Variants in MBTPS1 observed in about 807,000 individuals in gnomAD.
MBTPS1 encodes the protein membrane bound transcription factor peptidase, site 1, also known as membrane-bound transcription factor site-1 protease.
A neutral mutation model predicts 127.8 loss-of-function variants in MBTPS1; 94 were observed. That is an observed-to-expected ratio of 0.74 (90% CI 0.62 to 0.87). MBTPS1 has a LOEUF of 0.87. Ranked by LOEUF, MBTPS1 falls within the 40% of genes least tolerant of loss-of-function variation. The pLI is 0.00. For missense variants in MBTPS1, 1,636 were observed against 1,353.2 expected, an observed-to-expected ratio of 1.21 and a Z score of -3.28; for synonymous variants, 632 against 509.4, an observed-to-expected ratio of 1.24 and a Z score of -3.24.
intron 1 of MBTPS1, chr16:84,110,900 T>G (rs2086388339): frequency 6.6e-6 from 1 of 152,230 alleles, no homozygotes; most frequent in Non-Finnish European, 1.5e-5. Flanking sequence ...ACTGCAAGAT[T>G]ATGAGCAGGA....
intron 19 of MBTPS1, among the ~76,000 whole-genome samples, chr16:84,062,963 G>A (rs959572367): frequency 7.2e-5 from 11 of 152,204 alleles, no homozygotes; most frequent in African/African-American, 2.4e-4. Context: ...CAGGCAGCAC[G>A]GCGTAGGAAG....
intron 19 of MBTPS1, among the ~76,000 whole-genome samples, chr16:84,062,874 C>G (rs1292498336): frequency 3.3e-5 from 5 of 152,192 alleles, no homozygotes; most frequent in African/African-American, 1.2e-4. Context: ...TCTGGAAGGA[C>G]AGCCAAGAGC....
At chr16:84,063,036 C>T (rs921987411) in intron 19 of MBTPS1, among the ~76,000 whole-genome samples, 5 of 152,230 alleles carry the variant, frequency 3.3e-5, no homozygotes, top group Admixed American at 2.0e-4. Flanking sequence ...GCGGGAGTCC[C>T]GCCTCCGCTG....
chr16:84,114,381 T>A (rs1042814258), intron 1 of MBTPS1, among the ~76,000 whole-genome samples: 1 of 152,174 alleles, frequency 6.6e-6, no homozygotes, highest in Admixed American at 6.5e-5. Context: ...ATCACTACAG[T>A]CAAGAGTGAG....
intron 5 of MBTPS1, 66 bp downstream of exon 5, chr16:84,093,645 G>C (rs2086140928): frequency 1.8e-6 from 2 of 1,087,686 alleles, no homozygotes; most frequent in South Asian, 2.6e-5. Context: ...ACAGACTGTG[G>C]AATCATGCAC....
chr16:84,077,234 GA>G (rs1191331764), intron 11 of MBTPS1, among the ~76,000 whole-genome samples: 1,400 of 100,316 alleles, frequency 0.014, 20 homozygotes, highest in African/African-American at 0.046. Flanking sequence ...CATTAAAAAA[GA>G]AAAAAAAAAA....
Position 84,060,708 on chromosome 16 carries a change from C to T in MBTPS1, c.2678G>A (p.Gly893Asp). Residue 893 changes from glycine to aspartate, a missense_variant, in exon 20 of 23, where the codon GGC (glycine) becomes GAC (aspartate). By Grantham distance (94) the Gly-to-Asp change is moderately conservative (BLOSUM62 -1). Transcript: ENST00000343411. The stretch of plus-strand genomic sequence containing the variant: ...TTCCATCCTCTCTGGAGTGACTGAG[C>T]CTGCTCCACTGGGAGGGCGCTGGCG... ...GNRQRPPSGA[G>D]SVTPERMEGN... 2.5e-6 allele frequency: 4 copies of T among 1,613,990 alleles called. No homozygotes were observed. Among genetic ancestry groups the T allele is most frequent in the South Asian group, 1.1e-5 (1 of 91,002 alleles).
At chr16:84,068,235 C>G in intron 15 of MBTPS1, 104 bp downstream of exon 15, 1 of 829,490 alleles carries the variant, frequency 1.2e-6, no homozygotes, top group Non-Finnish European at 2.0e-6. Flanking sequence ...GGCGCATACT[C>G]CCTTGGTAGC....
chr16:84,085,248 CT>C, intron 9 of MBTPS1, 114 bp from the exon 10 acceptor site: 1 of 1,047,288 alleles, frequency 9.5e-7, no homozygotes, highest in South Asian at 1.5e-5. Flanking sequence ...ACTGTATAAC[CT>C]TAGGAAGGTA....
intron 1 of MBTPS1, among the ~76,000 whole-genome samples, chr16:84,115,192 G>A (rs2086456084): frequency 1.3e-5 from 2 of 152,094 alleles, no homozygotes; most frequent in African/African-American, 4.8e-5. Flanking sequence ...CTCCCAAATT[G>A]TGGGATTACA....
intron 1 of MBTPS1, among the ~76,000 whole-genome samples, chr16:84,115,307 T>A (rs910085689): frequency 1.7e-4 from 26 of 152,328 alleles, no homozygotes; most frequent in Middle Eastern, 3.4e-3. Context: ...CCGCAAGCTC[T>A]GCATTGGAAT....
intron 18 of MBTPS1, 88 bp downstream of exon 18, chr16:84,065,602 G>C (rs2085669643): frequency 1.2e-6 from 1 of 864,004 alleles, no homozygotes; most frequent in South Asian, 1.4e-5. Context: ...TATTAAAAAA[G>C]AGACAGAGAT....
intron 11 of MBTPS1, among the ~76,000 whole-genome samples, chr16:84,075,809 C>G (rs1429916992): frequency 6.6e-6 from 1 of 152,186 alleles, no homozygotes; most frequent in African/African-American, 2.4e-5. Flanking sequence ...GTTAAGTTAT[C>G]TCAACAGATA....
At chr16:84,079,849 G>A (rs999530260) in intron 11 of MBTPS1, among the ~76,000 whole-genome samples, 1 of 152,252 alleles carries the variant, frequency 6.6e-6, no homozygotes, top group Non-Finnish European at 1.5e-5. Flanking sequence ...GCAGTCGTAT[G>A]TGTCTGTGCA....
intron 19 of MBTPS1, chr16:84,061,457 G>C (rs1271997535): frequency 6.6e-6 from 1 of 152,250 alleles, no homozygotes. Context: ...GAGACCATGT[G>C]ACACCCACTG....
chr16:84,077,618 T>C (rs1412558927), intron 11 of MBTPS1, among the ~76,000 whole-genome samples: 6 of 152,088 alleles, frequency 3.9e-5, no homozygotes, highest in Admixed American at 3.3e-4. Context: ...GAATTTCAAG[T>C]AAATAAAAGA....
At chr16:84,055,397 C>A (rs1019041221) in intron 22 of MBTPS1, among the ~76,000 whole-genome samples, 1 of 152,206 alleles carries the variant, frequency 6.6e-6, no homozygotes, top group Non-Finnish European at 1.5e-5. Context: ...ACAGGGGACT[C>A]TAGAGCAAAA....
At chr16:84,060,318 C>G (rs2085590311) in intron 20 of MBTPS1, 1 of 178,834 alleles carries the variant, frequency 5.6e-6, no homozygotes, top group Non-Finnish European at 1.2e-5. Context: ...AGCATCCCAG[C>G]CTGCTGCATG....
intron 1 of MBTPS1, among the ~76,000 whole-genome samples, chr16:84,113,327 T>A (rs1019309995): frequency 6.6e-6 from 1 of 152,230 alleles, no homozygotes; most frequent in African/African-American, 2.4e-5. Flanking sequence ...TCTTTCCATA[T>A]AAAGGCATAA....
Sources: allele counts gnomAD v4.1 joint callset (sites outside exome capture counted in the v4.1 genomes callset), GRCh38; gene constraint gnomAD v4.1.1; transcripts MANE v1.5; gene names NCBI Gene and HGNC (gene_info 2026-07-23, HGNC 2026-07-21).